CDH7: variants seen among roughly 807,000 people sequenced by gnomAD.
CDH7 encodes cadherin 7, also known as cadherin-7.
Under a neutral mutation model 71.8 loss-of-function variants are expected in CDH7, and 25 were observed. The ratio of observed to expected loss-of-function variants is 0.35; its 90% CI spans 0.25 to 0.49. The LOEUF (loss-of-function observed/expected upper bound fraction) is 0.49. Among genes scored for constraint, CDH7 ranks in the 20% least tolerant of loss-of-function variants. CDH7 has a pLI of 0.99. For missense variants in CDH7, 862 were observed against 974.6 expected, an observed-to-expected ratio of 0.88 and a Z score of 1.54; for synonymous variants, 381 against 363.8, an observed-to-expected ratio of 1.05 and a Z score of -0.54.
chr18:65,820,609 A>G (rs535994126), intron 4 of CDH7, among the ~76,000 whole-genome samples: 2 of 152,284 alleles, frequency 1.3e-5, no homozygotes, highest in Non-Finnish European at 2.9e-5. Context: ...TGTCAAAAAT[A>G]CGTTCAATAG....
chr18:65,858,903 A>C (rs1913460875), intron 8 of CDH7, 22 bp from the exon 9 acceptor site: 1 of 1,607,112 alleles, frequency 6.2e-7, no homozygotes, highest in Non-Finnish European at 8.5e-7. Context: ...AGTAAATGAT[A>C]AGACACTGTC....
rs56242508 is a variant in CDH7 at position 65,804,699 on chromosome 18, C to CGT, written c.211-4980_211-4979dup. On this transcript the variant is annotated intron_variant, in intron 2 of 11. Transcript: ENST00000397968. ...CACGTTTCAACCCTCCCTTAACACA[C>CGT]GTGTGTGTGTGTGTGTGTGTGTGTG... 8.6e-3 allele frequency among the ~76,000 whole-genome samples: 1,279 copies of CGT among 148,702 alleles called. 13 individuals are homozygous for CGT. Among genetic ancestry groups the CGT allele is most frequent in the African/African-American group, 0.026 (1,054 of 40,512 alleles).
chr18:65,756,429 T>C (rs1186561702), intron 1 of CDH7, among the ~76,000 whole-genome samples: 1 of 152,240 alleles, frequency 6.6e-6, no homozygotes, highest in Non-Finnish European at 1.5e-5. Context: ...ATGCAAATAA[T>C]TGAATTTAGT....
At chr18:65,839,526 GGT>G (rs751863131) in intron 6 of CDH7, among the ~76,000 whole-genome samples, 13 of 152,128 alleles carry the variant, frequency 8.5e-5, no homozygotes, top group Non-Finnish European at 1.9e-4. Flanking sequence ...GAATTTTTGT[GGT>G]GGTTGGGGGG....
chr18:65,761,780 G>C (rs1016309145), intron 1 of CDH7, among the ~76,000 whole-genome samples: 4 of 152,134 alleles, frequency 2.6e-5, no homozygotes, highest in Non-Finnish European at 5.9e-5. Context: ...ATAGACATTA[G>C]AATAAAAGGG....
chr18:65,803,765 AT>A (rs1911209163), intron 2 of CDH7: 1 of 151,850 alleles, frequency 6.6e-6, no homozygotes, highest in Non-Finnish European at 1.5e-5. Context: ...ACCTTGTAAA[AT>A]TTTAATAAAA....
chr18:65,843,977 C>G lies in CDH7; in HGVS notation c.1147C>G (p.Pro383Ala). The change falls in exon 7 of 12, where the codon CCT (proline) becomes GCT (alanine). Residue 383 changes from proline (P) to alanine (A), a missense_variant. Pro to Ala is a conservative substitution (Grantham distance 27). Coordinates refer to ENST00000397968, the MANE Select transcript of CDH7 (RefSeq NM_004361.5). ...CCCTGTGTTCTCTTCACCCTTGTAC[C>G]CTATGGAGGTGTCGGAAGCTACCCA... ...EPPVFSSPLY[P>A]MEVSEATQVG... 1.9e-6 allele frequency: 3 copies of G among 1,612,696 alleles called. No homozygotes were observed. Among genetic ancestry groups the G allele is most frequent in the Non-Finnish European group, 8.5e-7 (1 of 1,179,220 alleles).
At chr18:65,871,759 G>A (rs1913934381) in intron 11 of CDH7, among the ~76,000 whole-genome samples, 1 of 151,980 alleles carries the variant, frequency 6.6e-6, no homozygotes, top group South Asian at 2.1e-4. Context: ...TAAAGGAAGT[G>A]GTCATAACAA....
rs1309959439 is a variant in CDH7, at chr18:65,782,029, C to T, written c.210+18977C>T. Among the ~76,000 whole-genome samples, 78 of 26,508 alleles carry T rather than the reference C, an allele frequency of 2.9e-3. 23 individuals carry two copies. The highest frequency in any genetic ancestry group is 0.022 in the African/African-American group (40 of 1,818). The allele number at this position is 26,508 out of a possible 152,430, so 17.4% of individuals were successfully genotyped here. A position where few individuals can be genotyped will look rare whatever the true frequency, so the allele number is the denominator to read the frequency against. ...TTCTCTCTTTCTCTCTCTCTTTCTC[C>T]CTTCCTTCCTTCCTTCCTTCCTTCC... On this transcript the variant is annotated intron_variant, in intron 2 of 11. Coordinates refer to ENST00000397968, the MANE Select transcript of CDH7 (RefSeq NM_004361.5).
intron 7 of CDH7, among the ~76,000 whole-genome samples, chr18:65,853,906 C>T (rs1277273990): frequency 5.8e-4 from 20 of 34,208 alleles, no homozygotes; most frequent in Non-Finnish European, 1.0e-3. Flanking sequence ...CATAAATTAC[C>T]ATATATATAT....
Position 65,762,866 on chromosome 18 carries a change from C to T in CDH7, c.24C>T (p.Phe8=). 6.2e-7 allele frequency: 1 copy of T among 1,612,374 alleles called. No homozygotes were observed. The highest frequency in any genetic ancestry group is 1.3e-5 in the African/African-American group (1 of 74,920). The stretch of plus-strand genomic sequence containing the variant: ...AGATGAAGTTGGGCAAAGTGGAGTT[C>T]TGCCATTTTCTGCAGCTAATAGCTC... MKLGKVE[F]CHFLQLIALF... Residue 8 remains phenylalanine (F), a synonymous_variant, in exon 2 of 12, where the codon TTC becomes TTT. Transcript: ENST00000397968.
At chr18:65,860,473 T>G (rs777518563) in intron 10 of CDH7, among the ~76,000 whole-genome samples, 36 of 152,160 alleles carry the variant, frequency 2.4e-4, no homozygotes, top group Non-Finnish European at 4.9e-4. Flanking sequence ...ATTTTAGTTT[T>G]GCTTAATAAT....
At chr18:65,874,195 C>T (rs1459550815) in intron 11 of CDH7, among the ~76,000 whole-genome samples, 1 of 152,056 alleles carries the variant, frequency 6.6e-6, no homozygotes, top group East Asian at 1.9e-4. Context: ...GTAGTAGCCA[C>T]TAAACAATGG....
chr18:65,847,967 A>T (rs1912991757), intron 7 of CDH7, among the ~76,000 whole-genome samples: 1 of 63,436 alleles, frequency 1.6e-5, no homozygotes, highest in African/African-American at 3.4e-5. Flanking sequence ...TAGAGGGAAA[A>T]AAAACGATTT....
Position 65,889,416 on chromosome 18 carries a change from G to A in CDH7, c.*8522G>A, listed in dbSNP as rs1914451451. The stretch of plus-strand genomic sequence containing the variant: ...CTGCATCAAGCCAAGATCCATGAAA[G>A]TGCTAATGTCATTTGAGGCCAGTTT... On this transcript the variant is annotated 3_prime_UTR_variant, in exon 12 of 12. Coordinates refer to ENST00000397968, the MANE Select transcript of CDH7 (RefSeq NM_004361.5). 1 of 152,352 alleles carries A rather than the reference G, an allele frequency of 6.6e-6. No individual in the cohort carries two copies. The highest frequency in any genetic ancestry group is 2.1e-4 in the South Asian group (1 of 4,830). The allele number at this position is 152,352 out of a possible 1,614,324, so 9.4% of individuals were successfully genotyped here.
At chr18:65,773,960 AT>A (rs1916621801) in intron 2 of CDH7, among the ~76,000 whole-genome samples, 1 of 152,162 alleles carries the variant, frequency 6.6e-6, no homozygotes, top group African/African-American at 2.4e-5. Flanking sequence ...CTTAAAAAAA[AT>A]GAAATAATTA....
At chr18:65,830,501 A>G (rs1912298255) in intron 6 of CDH7, among the ~76,000 whole-genome samples, 1 of 151,750 alleles carries the variant, frequency 6.6e-6, no homozygotes, top group South Asian at 2.1e-4. Flanking sequence ...TTTCCTGGTT[A>G]TAAATACATT....
chr18:65,874,524 G>A (rs891372725), intron 11 of CDH7, among the ~76,000 whole-genome samples: 1 of 152,026 alleles, frequency 6.6e-6, no homozygotes, highest in Admixed American at 6.6e-5. Context: ...ACAAAAGGTG[G>A]GAGAGTTGAC....
At chr18:65,850,825 T>G (rs1345452904) in intron 7 of CDH7, among the ~76,000 whole-genome samples, 1 of 150,936 alleles carries the variant, frequency 6.6e-6, no homozygotes, top group African/African-American at 2.4e-5. Flanking sequence ...TTTTTTTTTT[T>G]TTTTGAGACA....
Sources: gnomAD v4.1 joint callset for allele counts (sites outside exome capture counted in the v4.1 genomes callset) on GRCh38, gnomAD v4.1.1 for gene constraint, MANE v1.5 for transcripts, NCBI Gene and HGNC (gene_info 2026-07-23, HGNC 2026-07-21) for gene names.